KAZN: variants seen among roughly 807,000 people sequenced by gnomAD.
The protein encoded by KAZN is kazrin.
KAZN carries 40 observed loss-of-function variants against 87.4 expected under a neutral mutation model. That is an observed-to-expected ratio of 0.46 (90% confidence interval 0.36 to 0.60). The LOEUF is 0.60. Among genes scored for constraint, KAZN ranks in the 20% least tolerant of loss-of-function variants. The pLI is 0.00. For missense variants in KAZN, 898 were observed against 1,073.9 expected, an observed-to-expected ratio of 0.84 and a Z score of 2.29; for synonymous variants, 466 against 458.3, an observed-to-expected ratio of 1.02 and a Z score of -0.22.
intron 1 of KAZN, among the ~76,000 whole-genome samples, chr1:14,674,371 T>A (rs538287465): frequency 6.6e-6 from 1 of 152,360 alleles, no homozygotes; most frequent in East Asian, 1.9e-4. Context: ...TGTTGAGGAT[T>A]TGATCAGTTT....
intron 2 of KAZN, among the ~76,000 whole-genome samples, chr1:14,374,555 A>G (rs971548335): frequency 3.3e-5 from 5 of 152,142 alleles, no homozygotes; most frequent in Admixed American, 2.0e-4. Flanking sequence ...TTTTTCACCA[A>G]TGAAAACCCA....
At chr1:13,946,506 G>T (rs965028640) in intron 1 of KAZN, among the ~76,000 whole-genome samples, 1 of 152,126 alleles carries the variant, frequency 6.6e-6, no homozygotes, top group Admixed American at 6.6e-5. Context: ...AATCATTATG[G>T]TTATACTCAC....
At chr1:13,930,947 C>T (rs1640487010) in intron 1 of KAZN, among the ~76,000 whole-genome samples, 1 of 152,182 alleles carries the variant, frequency 6.6e-6, no homozygotes, top group Admixed American at 6.5e-5. Flanking sequence ...GCCCCATGGC[C>T]TTGTGGGTCC....
chr1:14,482,750 T>G (rs538407912), intron 2 of KAZN, among the ~76,000 whole-genome samples: 1 of 152,118 alleles, frequency 6.6e-6, no homozygotes, highest in East Asian at 1.9e-4. Context: ...GGCAGGAACT[T>G]CCCAAGCCTG....
intron 2 of KAZN, among the ~76,000 whole-genome samples, chr1:14,416,090 T>C (rs1423383365): frequency 6.6e-6 from 1 of 152,160 alleles, no homozygotes; most frequent in Non-Finnish European, 1.5e-5. Flanking sequence ...CTTCATGAAC[T>C]TAAGTGAAAT....
intron 1 of KAZN, among the ~76,000 whole-genome samples, chr1:14,630,976 A>G (rs978873979): frequency 6.6e-6 from 1 of 152,212 alleles, no homozygotes; most frequent in Admixed American, 6.5e-5. Context: ...CATAACTAGT[A>G]TACGTTGATT....
chr1:14,481,432 A>G (rs1669077093), intron 2 of KAZN, among the ~76,000 whole-genome samples: 1 of 151,850 alleles, frequency 6.6e-6, no homozygotes, highest in African/African-American at 2.4e-5. Flanking sequence ...TAGAAAAAAA[A>G]CTATCAAATA....
rs1172146598 is a variant in KAZN at position 14,111,620 on chromosome 1, C to T, written c.92-68815C>T. 1.5e-5 allele frequency among the ~76,000 whole-genome samples: 2 copies of T among 134,380 alleles called. 1 individual carries two copies. The highest frequency in any genetic ancestry group is 3.2e-5 in the Non-Finnish European group (2 of 62,860). 88.2% of individuals were successfully genotyped at this position (134,380 alleles called of 152,430 possible). A position where few individuals can be genotyped will look rare whatever the true frequency, so the allele number is the denominator to read the frequency against. On this transcript the variant is annotated intron_variant, in intron 1 of 16. Transcript: ENST00000636203. ...TTGCATGTGCACCTTGTAAAAGAGC[C>T]TCTGATTCCTCACCAGCCCTGTCTG...
chr1:13,938,693 G>A (rs546731884), intron 1 of KAZN, among the ~76,000 whole-genome samples: 1 of 152,320 alleles, frequency 6.6e-6, no homozygotes, highest in South Asian at 2.1e-4. Context: ...GAACTGCCTA[G>A]TGGAGCTGTG....
At chr1:14,881,823 G>T (rs1256308299) in intron 1 of KAZN, among the ~76,000 whole-genome samples, 2 of 152,228 alleles carry the variant, frequency 1.3e-5, no homozygotes, top group Non-Finnish European at 2.9e-5. Flanking sequence ...TATTTTCTGT[G>T]TATGGTTGTT....
At chr1:15,068,483 G>A (rs1639362378) in intron 8 of KAZN, among the ~76,000 whole-genome samples, 1 of 152,062 alleles carries the variant, frequency 6.6e-6, no homozygotes, top group Admixed American at 6.6e-5. Flanking sequence ...CTCCCCCTGA[G>A]CTCCTTCCAG....
intron 1 of KAZN, among the ~76,000 whole-genome samples, chr1:14,129,186 CA>C (rs1644937864): frequency 6.6e-6 from 1 of 152,118 alleles, no homozygotes; most frequent in African/African-American, 2.4e-5. Flanking sequence ...AGTTGCTTCA[CA>C]GTTGAATGGG....
At chr1:14,121,698 A>C (rs762763613) in intron 1 of KAZN, among the ~76,000 whole-genome samples, 1 of 152,250 alleles carries the variant, frequency 6.6e-6, no homozygotes, top group Non-Finnish European at 1.5e-5. Context: ...ATAGAAAATA[A>C]AGAATAAAAA....
At chr1:14,128,265 C>T (rs1045655301) in intron 1 of KAZN, among the ~76,000 whole-genome samples, 5 of 152,156 alleles carry the variant, frequency 3.3e-5, no homozygotes, top group Non-Finnish European at 7.4e-5. Context: ...CTGAGGCTGG[C>T]ATGAAGGCCT....
Position 15,046,141 on chromosome 1 carries a change from T to C in KAZN, c.726+1982T>C, listed in dbSNP as rs189438092. Among the ~76,000 whole-genome samples the C allele has an allele frequency of 4.3e-4, 65 of 152,040 alleles. 1 individual carries two copies. The highest frequency in any genetic ancestry group is 1.4e-3 in the African/African-American group (59 of 41,480). On this transcript the variant is annotated intron_variant, in intron 4 of 14. Transcript: ENST00000376030. The stretch of plus-strand genomic sequence containing the variant: ...GGTGTAACCTTGTCTCTACTAAAAA[T>C]ACAAAAATTAGCCAGACATGGCGGT...
rs1380870772 is a variant in KAZN, at chr1:14,960,700, A to G, written c.243A>G (p.Glu81=). 3 of 1,570,098 alleles carry G rather than the reference A, an allele frequency of 1.9e-6. No individual in the cohort carries two copies. The African/African-American group carries it at 4.1e-5, about 21-fold the overall frequency. ...CTCCCCTAGTGCTCCTGCGGGAAGA[A>G]GTGTCGCGGCTCCAGGAGGAAGTTC... ...QLGAQVLLRE[E]VSRLQEEVHL... The change falls in exon 2 of 15, where the codon GAA becomes GAG. Residue 81 remains glutamate (E), a synonymous_variant. Transcript: ENST00000376030.
intron 1 of KAZN, among the ~76,000 whole-genome samples, chr1:14,077,730 A>G (rs1179120963): frequency 6.6e-6 from 1 of 152,252 alleles, no homozygotes; most frequent in Non-Finnish European, 1.5e-5. Context: ...ATTTAGGAAC[A>G]TAATCTTTGC....
At chr1:14,557,814 G>A (rs12031921) in intron 2 of KAZN, among the ~76,000 whole-genome samples, 42,282 of 151,826 alleles carry the variant, frequency 0.28, 6,713 homozygotes, top group East Asian at 0.6. Flanking sequence ...GAGTGATGGT[G>A]CATGTCTGAT....
intron 2 of KAZN, among the ~76,000 whole-genome samples, chr1:15,028,186 T>TC (rs1671359021): frequency 6.6e-6 from 1 of 152,114 alleles, no homozygotes; most frequent in African/African-American, 2.4e-5. Context: ...AATAAGTGCC[T>TC]CCCACACACC....
Sources: allele counts gnomAD v4.1 joint callset (sites outside exome capture counted in the v4.1 genomes callset), GRCh38; gene constraint gnomAD v4.1.1; transcripts MANE v1.5; gene names NCBI Gene and HGNC (gene_info 2026-07-23, HGNC 2026-07-21).